The following CDK5RAP2 variants were observed in gnomAD, a reference collection of about 807,000 sequenced individuals.
CDK5RAP2 encodes the protein CDK5 regulatory subunit-associated protein 2.
In CDK5RAP2, 147 loss-of-function variants were observed where a neutral mutation model predicts 232.9. The observed-to-expected ratio is 0.63, with a 90% confidence interval of 0.55 to 0.72. The LOEUF is 0.72. Among genes scored for constraint, CDK5RAP2 ranks in the 30% least tolerant of loss-of-function variants. CDK5RAP2 has a pLI of 0.00. For synonymous variants in CDK5RAP2, 833 were observed against 833.7 expected, an observed-to-expected ratio of 1.00 and a Z score of 0.01; for missense variants, 2,195 against 2,231.5, an observed-to-expected ratio of 0.98 and a Z score of 0.33.
chr9:120,543,589 C>T (rs1179181819), intron 5 of CDK5RAP2, among the ~76,000 whole-genome samples: 2 of 152,066 alleles, frequency 1.3e-5, no homozygotes, highest in Non-Finnish European at 2.9e-5. Flanking sequence ...CTGGGTGCAG[C>T]GGCTCACCCC....
intron 21 of CDK5RAP2, among the ~76,000 whole-genome samples, chr9:120,448,533 T>G (rs986630933): frequency 6.6e-6 from 1 of 152,204 alleles, no homozygotes; most frequent in Non-Finnish European, 1.5e-5. Context: ...CCCCTTACTT[T>G]GGTGGCTACT....
At position 120,509,784 on chromosome 9, in the gene CDK5RAP2, G is replaced by A. The variant is rs114409800; in HGVS notation, c.1311+8643C>T. Among the ~76,000 whole-genome samples the A allele has an allele frequency of 4.1e-3, 620 of 152,252 alleles. 3 individuals are homozygous for A. Among genetic ancestry groups the A allele is most frequent in the African/African-American group, 0.014 (577 of 41,516 alleles). ...ATAAGAAATGGGCATACTATGGTTCGAAGAGGCAAACTTGCTGGTTCACAG... is the reference window on the plus strand; with the variant it reads ...ATAAGAAATGGGCATACTATGGTTCAAAGAGGCAAACTTGCTGGTTCACAG... On this transcript the variant is annotated intron_variant, in intron 12 of 37. Coordinates refer to ENST00000349780, the MANE Select transcript of CDK5RAP2 (RefSeq NM_018249.6).
intron 15 of CDK5RAP2, among the ~76,000 whole-genome samples, chr9:120,473,586 G>C (rs921945088): frequency 6.6e-6 from 1 of 152,196 alleles, no homozygotes; most frequent in Non-Finnish European, 1.5e-5. Flanking sequence ...TTGCTGCTTT[G>C]AGGACAGTTC....
chr9:120,489,809 CT>C (rs796201909), intron 13 of CDK5RAP2, among the ~76,000 whole-genome samples: 120 of 138,244 alleles, frequency 8.7e-4, no homozygotes, highest in South Asian at 2.5e-3. Context: ...TTTGTCTTTC[CT>C]TTTTTTTTTT....
At chr9:120,562,046 G>A (rs528071460) in intron 3 of CDK5RAP2, among the ~76,000 whole-genome samples, 86 of 152,130 alleles carry the variant, frequency 5.7e-4, no homozygotes, top group Non-Finnish European at 1.0e-3. Flanking sequence ...CTCAACACAC[G>A]CTTGTCAAAA....
chr9:120,426,729 G>C (rs911546834), intron 25 of CDK5RAP2, among the ~76,000 whole-genome samples: 2 of 152,116 alleles, frequency 1.3e-5, no homozygotes, highest in Non-Finnish European at 2.9e-5. Flanking sequence ...AGCATTTCAG[G>C]GCCATTTCAA....
intron 13 of CDK5RAP2, among the ~76,000 whole-genome samples, chr9:120,489,077 T>G (rs532431742): frequency 6.6e-6 from 1 of 152,364 alleles, no homozygotes; most frequent in African/African-American, 2.4e-5. Flanking sequence ...TGAAAATGCC[T>G]TTATTCTGCC....
At chr9:120,528,072 T>C (rs561496038) in intron 9 of CDK5RAP2, 147 bp from the exon 10 acceptor site, 136 of 1,145,398 alleles carry the variant, frequency 1.2e-4, no homozygotes, top group Non-Finnish European at 8.3e-5. Context: ...GAGCTGAACA[T>C]AGTGCCATCA....
chr9:120,462,161 G>C (rs1465335582), intron 18 of CDK5RAP2, among the ~76,000 whole-genome samples: 1 of 152,162 alleles, frequency 6.6e-6, no homozygotes, highest in Non-Finnish European at 1.5e-5. Flanking sequence ...CAGAAGTGAT[G>C]ATCAAAAACC....
chr9:120,415,229 C>A lies in CDK5RAP2; in HGVS notation c.4178-70G>T, dbSNP rs186570732. The A allele has an allele frequency of 5.5e-5, 86 of 1,556,864 alleles. No individual in the cohort carries two copies. The African/African-American group carries it at 1.1e-3, about 20-fold the overall frequency. On this transcript the variant is annotated intron_variant, in intron 27 of 37. Coordinates refer to ENST00000349780, the MANE Select transcript of CDK5RAP2 (RefSeq NM_018249.6). The stretch of plus-strand genomic sequence containing the variant: ...CAAATTGAATAATTTATGGATTATG[C>A]AGGGATCCTGAAATTCCAAACAGTA...
At position 120,411,452 on chromosome 9, in the gene CDK5RAP2, A is replaced by T. The variant is rs140436216; in HGVS notation, c.4320T>A (p.Ser1440=). 1.1e-4 allele frequency: 177 copies of T among 1,609,738 alleles called. No individual in the cohort carries two copies. The African/African-American group carries it at 2.0e-3, about 18-fold the overall frequency. Residue 1440 remains serine (S), a synonymous_variant, in exon 29 of 38, where the codon TCT becomes TCA. Transcript: ENST00000349780. ...FVQGSTSIFA[S]GSELHSSLTS... ...TTAGAGAACTATGAAGCTCTGAACCAGAAGCAAAAATGCTTGTAGAACCTA... is the reference window on the plus strand; with the variant it reads ...TTAGAGAACTATGAAGCTCTGAACCTGAAGCAAAAATGCTTGTAGAACCTA...
intron 18 of CDK5RAP2, among the ~76,000 whole-genome samples, chr9:120,466,796 G>A (rs1179701845): frequency 2.0e-5 from 3 of 152,184 alleles, no homozygotes. Flanking sequence ...TTGAAGGTAG[G>A]AGGAGACAGC....
At chr9:120,472,348 C>T (rs1344841776) in intron 15 of CDK5RAP2, among the ~76,000 whole-genome samples, 1 of 152,142 alleles carries the variant, frequency 6.6e-6, no homozygotes, top group Non-Finnish European at 1.5e-5. Flanking sequence ...TAACGTAATT[C>T]TCCATTCCAG....
At chr9:120,435,470 T>TACACACACACACACACACAC (rs55654634) in intron 25 of CDK5RAP2, among the ~76,000 whole-genome samples, 1 of 147,304 alleles carries the variant, frequency 6.8e-6, no homozygotes, top group African/African-American at 2.5e-5. Flanking sequence ...ATTACACATT[T>TACACACACACACACACACAC]ACACACACAC....
chr9:120,505,585 T>A (rs1365692744), intron 12 of CDK5RAP2, among the ~76,000 whole-genome samples: 4 of 152,216 alleles, frequency 2.6e-5, no homozygotes, highest in Non-Finnish European at 4.4e-5. Context: ...AGCCAAAAGC[T>A]AGGCCTCTTG....
At chr9:120,391,772 G>A (rs2032005481) in intron 36 of CDK5RAP2, among the ~76,000 whole-genome samples, 1 of 152,224 alleles carries the variant, frequency 6.6e-6, no homozygotes. Context: ...ATCACCATGA[G>A]GGGACGGAGG....
intron 4 of CDK5RAP2, among the ~76,000 whole-genome samples, chr9:120,547,523 G>A (rs532162161): frequency 1.4e-4 from 22 of 151,944 alleles, no homozygotes; most frequent in Admixed American, 7.2e-4. Flanking sequence ...AGAATCGCTC[G>A]AACCCAGGAG....
chr9:120,457,060 A>T (rs186596008), intron 20 of CDK5RAP2, among the ~76,000 whole-genome samples: 2 of 152,326 alleles, frequency 1.3e-5, no homozygotes, highest in East Asian at 3.9e-4. Context: ...ACATTTCCTA[A>T]GCACTTACCA....
At chr9:120,421,780 G>A (rs2034581034) in intron 26 of CDK5RAP2, among the ~76,000 whole-genome samples, 1 of 152,226 alleles carries the variant, frequency 6.6e-6, no homozygotes, top group Non-Finnish European at 1.5e-5. Context: ...AGCAGGTAGA[G>A]ATATTCAAGA....
Sources: gnomAD v4.1 joint callset for allele counts (sites outside exome capture counted in the v4.1 genomes callset) on GRCh38, gnomAD v4.1.1 for gene constraint, MANE v1.5 for transcripts, NCBI Gene and HGNC (gene_info 2026-07-23, HGNC 2026-07-21) for gene names.